Variants in KDM6A observed in about 807,000 individuals in gnomAD.
KDM6A encodes lysine-specific demethylase 6A.
In KDM6A, 11 loss-of-function variants were observed where a neutral mutation model predicts 117.6. The observed-to-expected ratio is 0.09, with a 90% CI of 0.06 to 0.15. KDM6A has a LOEUF of 0.15. KDM6A is among the 10% of genes least tolerant of loss of function. The pLI, the probability that KDM6A is intolerant of heterozygous loss-of-function variation, is 1.00. For synonymous variants in KDM6A, 384 were observed against 396.1 expected (o/e 0.97, Z 0.36); for missense variants, 799 against 1,077.3 (o/e 0.74, Z 3.62).
intron 2 of KDM6A, among the ~76,000 whole-genome samples, chrX:44,945,665 A>C (rs1038170343): frequency 8.9e-6 from 1 of 111,932 alleles, no homozygotes; most frequent in African/African-American, 3.3e-5. Context: ...TGGATGGTCA[A>C]ATTTCATATT....
intron 2 of KDM6A, among the ~76,000 whole-genome samples, chrX:44,903,081 ATTAC>A (rs2034453965): frequency 8.9e-6 from 1 of 112,084 alleles, no homozygotes; most frequent in Non-Finnish European, 1.9e-5. Flanking sequence ...GCACCTGAGA[ATTAC>A]TTTTACTGGT....
At chrX:45,031,972 A>C (rs1322698093) in intron 6 of KDM6A, among the ~76,000 whole-genome samples, 2 of 109,758 alleles carry the variant, frequency 1.8e-5, no homozygotes, top group African/African-American at 6.9e-5. Flanking sequence ...AATAGTAATG[A>C]ATCAAACTTT....
chrX:44,971,377 T>C (rs779881500), intron 3 of KDM6A, among the ~76,000 whole-genome samples: 2 of 111,988 alleles, frequency 1.8e-5, no homozygotes, highest in Non-Finnish European at 3.8e-5. Flanking sequence ...TAAAAGTTAT[T>C]TTTTCAGATA....
chrX:44,879,424 A>G (rs2032028989), intron 2 of KDM6A, among the ~76,000 whole-genome samples: 1 of 112,477 alleles, frequency 8.9e-6, no homozygotes, highest in Non-Finnish European at 1.9e-5. Context: ...TATTATTTGT[A>G]GATTAGTTAA....
chrX:44,915,593 T>C (rs766895951), intron 2 of KDM6A, among the ~76,000 whole-genome samples: 2 of 112,231 alleles, frequency 1.8e-5, no homozygotes, highest in Admixed American at 1.9e-4. Context: ...TCAGAAAATA[T>C]TAAATGGAAA....
chrX:44,986,776 G>C (rs1307442939), intron 4 of KDM6A, among the ~76,000 whole-genome samples: 2 of 111,797 alleles, frequency 1.8e-5, no homozygotes, highest in African/African-American at 6.5e-5. Context: ...GTCTGAGAGA[G>C]AGTTTGTTAT....
intron 2 of KDM6A, among the ~76,000 whole-genome samples, chrX:44,927,751 C>T (rs187462793): frequency 8.9e-4 from 99 of 111,459 alleles, no homozygotes; most frequent in African/African-American, 3.0e-3. Flanking sequence ...TATCATTAGC[C>T]GGTCACCAAA....
In KDM6A at chrX:45,006,283, A is replaced by G. The variant is rs187884660; in HGVS notation, c.385-4678A>G. 8.0e-3 allele frequency among the ~76,000 whole-genome samples: 853 copies of G among 106,751 alleles called. 6 individuals carry two copies. The highest frequency in any genetic ancestry group is 0.022 in the South Asian group (49 of 2,265). The allele number at this position is 106,751 out of a possible 115,157, so 92.7% of individuals were successfully genotyped here. A position where few individuals can be genotyped will look rare whatever the true frequency, so the allele number is the denominator to read the frequency against. ...GCATGCCTCCTCATGAGGGAGAACC[A>G]GAGACTGTCGGGAGGGGAATGTAAT... On this transcript the variant is annotated intron_variant, in intron 4 of 29. Coordinates refer to ENST00000611820, the MANE Select transcript of KDM6A (RefSeq NM_001291415.2).
intron 3 of KDM6A, among the ~76,000 whole-genome samples, chrX:44,969,174 G>T (rs749723300): frequency 9.1e-6 from 1 of 110,323 alleles, no homozygotes; most frequent in Admixed American, 9.7e-5. Context: ...TTTTGAGCTG[G>T]AAGTTTTCCC....
In KDM6A at chrX:45,110,143, A is replaced by T. The variant is rs774608345; in HGVS notation, c.4226A>T (p.His1409Leu). 12 of 1,208,276 alleles carry T rather than the reference A, an allele frequency of 9.9e-6. No individual in the cohort carries two copies. Among genetic ancestry groups the T allele is most frequent in the African/African-American group, 1.7e-5 (1 of 57,182 alleles). ...ESNSRKTYIV[H>L]CQDCARKTSG... ...AATTCACGAAAGACCTACATAGTAC[A>T]TTGCCAAGATTGTGCACGAAAAACA... Residue 1409 changes from histidine to leucine, a missense_variant, in exon 29 of 30, where the codon CAT (histidine) becomes CTT (leucine). His to Leu is a moderately conservative substitution (Grantham distance 99, BLOSUM62 -3). Around this residue, in one of 8 missense-constraint regions of KDM6A, gnomAD observed 291 missense variants for 437.9 expected, o/e 0.66. Coordinates refer to ENST00000611820, the MANE Select transcript of KDM6A (RefSeq NM_001291415.2).
At chrX:44,933,341 C>T (rs1272952482) in intron 2 of KDM6A, among the ~76,000 whole-genome samples, 1 of 94,687 alleles carries the variant, frequency 1.1e-5, no homozygotes, top group Non-Finnish European at 2.0e-5. Flanking sequence ...GATCTCGGCT[C>T]ACTGCAACCT....
chrX:44,956,328 T>G (rs2038320968), intron 2 of KDM6A, among the ~76,000 whole-genome samples: 1 of 111,749 alleles, frequency 8.9e-6, no homozygotes, highest in African/African-American at 3.3e-5. Context: ...TATAATATAA[T>G]TTATTAATTT....
At chrX:44,914,823 C>T (rs2035452759) in intron 2 of KDM6A, among the ~76,000 whole-genome samples, 1 of 110,774 alleles carries the variant, frequency 9.0e-6, no homozygotes, top group South Asian at 3.8e-4. Context: ...GCAAAGCTAG[C>T]TTGGAACTGA....
chrX:44,997,813 A>G (rs1243633986), intron 4 of KDM6A, among the ~76,000 whole-genome samples: 3 of 112,449 alleles, frequency 2.7e-5, no homozygotes, highest in Non-Finnish European at 3.8e-5. Context: ...TAAAGGATAG[A>G]CAGGAATTTG....
chrX:44,927,821 A>G (rs191468715), intron 2 of KDM6A, among the ~76,000 whole-genome samples: 8 of 111,843 alleles, frequency 7.2e-5, no homozygotes, highest in Non-Finnish European at 1.5e-4. Context: ...ATTGAGGAAA[A>G]AGTAAAAAAC....
intron 2 of KDM6A, among the ~76,000 whole-genome samples, chrX:44,951,177 G>A (rs1224256969): frequency 2.7e-5 from 3 of 111,604 alleles, no homozygotes; most frequent in Non-Finnish European, 5.6e-5. Context: ...TGGCCAAGGA[G>A]GCACCCCTCT....
At chrX:45,029,946 G>T (rs1187943032) in intron 6 of KDM6A, among the ~76,000 whole-genome samples, 1 of 111,548 alleles carries the variant, frequency 9.0e-6, no homozygotes, top group African/African-American at 3.3e-5. Context: ...AGCAAGAGCT[G>T]TAAGATAAAT....
At chrX:45,076,639 T>C in intron 18 of KDM6A, 58 bp from the exon 19 acceptor site, 1 of 875,248 alleles carries the variant, frequency 1.1e-6, no homozygotes, top group South Asian at 2.2e-5. Flanking sequence ...ATTCTTTTTT[T>C]TTTTTTCTGT....
chrX:45,031,736 A>T (rs747038968), intron 6 of KDM6A, among the ~76,000 whole-genome samples: 85 of 112,073 alleles, frequency 7.6e-4, no homozygotes, highest in African/African-American at 2.5e-3. Flanking sequence ...TTCATGAGGT[A>T]ATCAGACTAT....
Sources: gnomAD v4.1 joint callset for allele counts (sites outside exome capture counted in the v4.1 genomes callset) on GRCh38, gnomAD v4.1.1 for gene constraint, gnomAD v4.1.1 regional missense constraint, MANE v1.5 for transcripts, NCBI Gene and HGNC (gene_info 2026-07-23, HGNC 2026-07-21) for gene names.